Variants in CNTN4 observed in about 807,000 individuals in gnomAD.
The protein encoded by CNTN4 is contactin-4.
In CNTN4, 77 loss-of-function variants were observed where a neutral mutation model predicts 122.5. The ratio of observed to expected loss-of-function variants is 0.63; its 90% CI spans 0.52 to 0.76. The LOEUF is 0.76. CNTN4 is among the 30% of genes least tolerant of loss of function. The pLI, the probability that CNTN4 is intolerant of heterozygous loss-of-function variation, is 0.00. For missense variants in CNTN4, 1,256 were observed against 1,259.1 expected, an observed-to-expected ratio of 1.00 and a Z score of 0.04; for synonymous variants, 512 against 447.0, an observed-to-expected ratio of 1.15 and a Z score of -1.83.
chr3:2,733,870 G>A (rs2088882971), intron 4 of CNTN4, among the ~76,000 whole-genome samples: 1 of 151,932 alleles, frequency 6.6e-6, no homozygotes, highest in African/African-American at 2.4e-5. Context: ...TTTATTTTGT[G>A]TGCTTTCATA....
chr3:2,462,506 A>G (rs1319343403), intron 3 of CNTN4, among the ~76,000 whole-genome samples: 1 of 152,162 alleles, frequency 6.6e-6, no homozygotes, highest in Non-Finnish European at 1.5e-5. Context: ...TTATTCAAAA[A>G]CATGATATTT....
intron 6 of CNTN4, among the ~76,000 whole-genome samples, chr3:2,748,357 A>C (rs937890322): frequency 6.6e-6 from 1 of 152,156 alleles, no homozygotes; most frequent in African/African-American, 2.4e-5. Flanking sequence ...ATTTACCCCT[A>C]ATAAATTCAT....
At chr3:2,464,101 T>C (rs2075413759) in intron 3 of CNTN4, among the ~76,000 whole-genome samples, 1 of 152,220 alleles carries the variant, frequency 6.6e-6, no homozygotes. Flanking sequence ...AAGTTTACTA[T>C]TGTTTGTGTA....
intron 7 of CNTN4, among the ~76,000 whole-genome samples, chr3:2,830,450 A>C (rs2093080152): frequency 6.6e-6 from 1 of 152,244 alleles, no homozygotes; most frequent in African/African-American, 2.4e-5. Flanking sequence ...AACTGTGATC[A>C]TTTGACAAAG....
At chr3:2,152,671 A>G (rs1249861239) in intron 2 of CNTN4, among the ~76,000 whole-genome samples, 5 of 152,144 alleles carry the variant, frequency 3.3e-5, no homozygotes, top group Admixed American at 3.3e-4. Flanking sequence ...GGATTGGATG[A>G]GGTGAGGAGT....
At chr3:2,382,558 G>T (rs1236265937) in intron 3 of CNTN4, among the ~76,000 whole-genome samples, 1 of 152,162 alleles carries the variant, frequency 6.6e-6, no homozygotes, top group African/African-American at 2.4e-5. Context: ...AAAAATTCTA[G>T]TTCCTAAAAG....
intron 4 of CNTN4, among the ~76,000 whole-genome samples, chr3:2,609,154 C>T (rs946569048): frequency 2.6e-5 from 4 of 152,182 alleles, no homozygotes; most frequent in Middle Eastern, 3.2e-3. Context: ...AATGTGTCCT[C>T]TACAGAATTT....
chr3:2,920,929 G>C (rs964310205), intron 12 of CNTN4, among the ~76,000 whole-genome samples: 14 of 152,148 alleles, frequency 9.2e-5, no homozygotes, highest in African/African-American at 3.4e-4. Context: ...TAGAAGGATG[G>C]ATATTAGGAA....
chr3:2,424,753 C>G (rs1434608272), intron 3 of CNTN4, among the ~76,000 whole-genome samples: 1 of 152,170 alleles, frequency 6.6e-6, no homozygotes, highest in Non-Finnish European at 1.5e-5. Flanking sequence ...TTAATGATCG[C>G]CATTCTAACT....
chr3:2,501,651 A>T (rs565650086), intron 3 of CNTN4, among the ~76,000 whole-genome samples: 2 of 152,104 alleles, frequency 1.3e-5, no homozygotes, highest in Admixed American at 1.3e-4. Flanking sequence ...TGTGTATTTG[A>T]TCCTCTCATA....
At chr3:2,683,796 G>A (rs1039082022) in intron 4 of CNTN4, among the ~76,000 whole-genome samples, 1 of 152,116 alleles carries the variant, frequency 6.6e-6, no homozygotes, top group African/African-American at 2.4e-5. Flanking sequence ...CTTTCAGGTA[G>A]TGGTTATTTC....
intron 3 of CNTN4, among the ~76,000 whole-genome samples, chr3:2,464,013 A>G (rs1306305027): frequency 1.3e-5 from 2 of 152,154 alleles, no homozygotes; most frequent in Non-Finnish European, 2.9e-5. Context: ...TCTTCTTTAA[A>G]AACAATATTT....
At chr3:2,599,037 G>A (rs1373174597) in intron 4 of CNTN4, among the ~76,000 whole-genome samples, 2 of 152,138 alleles carry the variant, frequency 1.3e-5, no homozygotes, top group African/African-American at 2.4e-5. Flanking sequence ...GTTGAGTATT[G>A]TGTGCTCAAC....
At chr3:2,855,183 A>G (rs963909797) in intron 7 of CNTN4, among the ~76,000 whole-genome samples, 6 of 152,202 alleles carry the variant, frequency 3.9e-5, no homozygotes, top group Non-Finnish European at 7.3e-5. Context: ...CCCCTCAACC[A>G]CAGGCCTGGC....
intron 6 of CNTN4, among the ~76,000 whole-genome samples, chr3:2,747,336 G>A (rs2089836853): frequency 6.6e-6 from 1 of 151,640 alleles, no homozygotes; most frequent in Non-Finnish European, 1.5e-5. Context: ...GGGAACCCGG[G>A]AGGCGGAGCT....
At chr3:2,776,197 A>T (rs1274315509) in intron 6 of CNTN4, among the ~76,000 whole-genome samples, 1 of 152,030 alleles carries the variant, frequency 6.6e-6, no homozygotes, top group Non-Finnish European at 1.5e-5. Flanking sequence ...AGGTCTGGGG[A>T]AGATGAGCAG....
chr3:2,471,902 T>C (rs1035177569), intron 3 of CNTN4, among the ~76,000 whole-genome samples: 12 of 152,190 alleles, frequency 7.9e-5, no homozygotes, highest in African/African-American at 2.7e-4. Flanking sequence ...AAAACCTAGA[T>C]AAAATGCTCA....
At chr3:2,443,213 G>A (rs952591773) in intron 3 of CNTN4, among the ~76,000 whole-genome samples, 2 of 151,826 alleles carry the variant, frequency 1.3e-5, no homozygotes, top group Admixed American at 6.6e-5. Flanking sequence ...AGGAAGCCCT[G>A]TGGAAGCCTT....
At chr3:2,362,640 G>A (rs1030884420) in intron 3 of CNTN4, 5 of 446,878 alleles carry the variant, frequency 1.1e-5, no homozygotes, top group African/African-American at 4.1e-5. Context: ...CCTAGGAGAT[G>A]GATACCAACT....
Sources: allele counts gnomAD v4.1 joint callset (sites outside exome capture counted in the v4.1 genomes callset), GRCh38; gene constraint gnomAD v4.1.1; transcripts MANE v1.5; gene names NCBI Gene and HGNC (gene_info 2026-07-23, HGNC 2026-07-21).